Variants in SFMBT1 observed in about 807,000 individuals in gnomAD.
The protein encoded by SFMBT1 is scm-like with four MBT domains protein 1.
SFMBT1 carries 32 observed loss-of-function variants against 108.7 expected under a neutral mutation model. The ratio of observed to expected loss-of-function variants is 0.29; its 90% CI spans 0.22 to 0.40. The LOEUF (loss-of-function observed/expected upper bound fraction) is 0.40, where lower values mean the gene tolerates loss of function less well. SFMBT1 is among the 10% of genes least tolerant of loss of function. The pLI is 1.00. For synonymous variants in SFMBT1, 348 were observed against 369.5 expected (o/e 0.94, Z 0.67); for missense variants, 816 against 1,059.6 (o/e 0.77, Z 3.19).
chr3:52,928,340 A>G lies in SFMBT1; in HGVS notation c.899T>C (p.Val300Ala). Residue 300 changes from valine to alanine, a missense_variant and splice_region_variant, in exon 9 of 21, where the codon GTT (valine) becomes GCT (alanine). Val to Ala is a moderately conservative substitution (Grantham distance 64). This residue lies in a region of SFMBT1 where 495 missense variants were observed against 607.4 expected (regional missense o/e 0.81). Transcript: ENST00000394752. Reference protein sequence around the residue: ...FGISPATVVKVFDEKYFLVEM... With the variant: ...FGISPATVVKAFDEKYFLVEM... ...CACCAGAAAGTACTTCTCATCAAAAACCTATACATGCAATTAATAGATGAA... is the reference window on the plus strand; with the variant it reads ...CACCAGAAAGTACTTCTCATCAAAAGCCTATACATGCAATTAATAGATGAA... 6.2e-7 allele frequency: 1 copy of G among 1,613,214 alleles called. No individual in the cohort carries two copies. The highest frequency in any genetic ancestry group is 8.5e-7 in the Non-Finnish European group (1 of 1,179,910).
At chr3:52,985,028 C>T (rs1388403211) in intron 1 of SFMBT1, among the ~76,000 whole-genome samples, 2 of 152,072 alleles carry the variant, frequency 1.3e-5, no homozygotes, top group African/African-American at 4.8e-5. Context: ...CTTATATTAT[C>T]TTATAGGCTG....
intron 13 of SFMBT1, among the ~76,000 whole-genome samples, chr3:52,916,724 A>C (rs1432518457): frequency 6.6e-6 from 1 of 152,056 alleles, no homozygotes; most frequent in Non-Finnish European, 1.5e-5. Flanking sequence ...ACAACAACAA[A>C]AAAGAACAAT....
intron 1 of SFMBT1, among the ~76,000 whole-genome samples, chr3:53,027,121 T>C (rs1699520346): frequency 6.6e-6 from 1 of 152,212 alleles, no homozygotes. Context: ...GGTTACTTTC[T>C]TATTTTACAC....
chr3:53,027,049 C>G (rs1482121611), intron 1 of SFMBT1, among the ~76,000 whole-genome samples: 2 of 152,148 alleles, frequency 1.3e-5, no homozygotes, highest in East Asian at 3.8e-4. Context: ...TCCCAAAGTG[C>G]TAGGATTATA....
chr3:52,909,803 A>G (rs144776976), intron 17 of SFMBT1, among the ~76,000 whole-genome samples: 43 of 152,274 alleles, frequency 2.8e-4, no homozygotes, highest in African/African-American at 9.9e-4. Flanking sequence ...CAAATTGTAA[A>G]TTTCATCCTA....
intron 3 of SFMBT1, 122 bp from the exon 4 acceptor site, chr3:52,943,715 C>A: frequency 7.8e-7 from 1 of 1,286,478 alleles, no homozygotes; most frequent in Non-Finnish European, 1.1e-6. Flanking sequence ...TCAAGGAAAG[C>A]CTGAGAAATT....
intron 1 of SFMBT1, among the ~76,000 whole-genome samples, chr3:52,973,737 T>C (rs1212988769): frequency 6.6e-6 from 1 of 152,084 alleles, no homozygotes; most frequent in Non-Finnish European, 1.5e-5. Flanking sequence ...TTGAAGTGAT[T>C]CTCCTGCCTT....
At chr3:52,962,482 AT>A (rs1453311882) in intron 2 of SFMBT1, among the ~76,000 whole-genome samples, 1 of 151,318 alleles carries the variant, frequency 6.6e-6, no homozygotes, top group African/African-American at 2.4e-5. Context: ...ACCAAACAGT[AT>A]TTTTTTTTGT....
intron 1 of SFMBT1, among the ~76,000 whole-genome samples, chr3:53,027,647 C>A (rs1054601086): frequency 5.9e-5 from 9 of 152,184 alleles, no homozygotes; most frequent in Non-Finnish European, 1.2e-4. Flanking sequence ...CTATTTCTGA[C>A]AAGTCCTAGT....
chr3:52,964,857 T>C lies in SFMBT1; in HGVS notation c.28+4244A>G, dbSNP rs138913523. ...ATCATCAAATGAATGATGACAGCAA[T>C]ACATTCAAACTCATCAAATGTATAC... On this transcript the variant is annotated intron_variant, in intron 2 of 20. Transcript: ENST00000394752. 1.6e-3 allele frequency among the ~76,000 whole-genome samples: 238 copies of C among 152,296 alleles called. 1 individual carries two copies. Among genetic ancestry groups the C allele is most frequent in the African/African-American group, 5.5e-3 (227 of 41,572 alleles).
intron 2 of SFMBT1, among the ~76,000 whole-genome samples, chr3:52,960,195 A>T (rs568935456): frequency 6.6e-6 from 1 of 152,112 alleles, no homozygotes; most frequent in East Asian, 1.9e-4. Flanking sequence ...TTCAAAACAA[A>T]ACTTTGCAGT....
intron 1 of SFMBT1, among the ~76,000 whole-genome samples, chr3:53,017,726 T>C (rs770417200): frequency 2.6e-5 from 4 of 152,236 alleles, no homozygotes; most frequent in East Asian, 1.9e-4. Flanking sequence ...GCTTATACCT[T>C]CACTCTTCAA....
At chr3:52,951,455 T>G (rs944827382) in intron 3 of SFMBT1, among the ~76,000 whole-genome samples, 12 of 151,834 alleles carry the variant, frequency 7.9e-5, no homozygotes, top group African/African-American at 2.7e-4. Context: ...TTGCTCTTGT[T>G]GCCCAGGCTG....
At position 52,912,667 on chromosome 3, in the gene SFMBT1, A is replaced by G. The variant is rs757567610; in HGVS notation, c.1621-20T>C. 7.0e-6 allele frequency: 11 copies of G among 1,561,130 alleles called. No homozygotes were observed. In the Admixed American group the frequency reaches 1.8e-4, roughly 26 times the overall value. On this transcript the variant is annotated intron_variant, in intron 15 of 20. Transcript: ENST00000394752. ...GAGGACCTGAGCTCAGTTTTAAAGC[A>G]GAAACACAGATTGGGAAGGAGAAAA...
At chr3:53,030,019 T>C (rs953920463) in intron 1 of SFMBT1, among the ~76,000 whole-genome samples, 5 of 152,124 alleles carry the variant, frequency 3.3e-5, no homozygotes, top group Non-Finnish European at 7.4e-5. Flanking sequence ...GTTTAAATAT[T>C]AGAAAACTTT....
At chr3:53,016,756 C>T (rs760998160) in intron 1 of SFMBT1, among the ~76,000 whole-genome samples, 1 of 152,082 alleles carries the variant, frequency 6.6e-6, no homozygotes, top group Non-Finnish European at 1.5e-5. Context: ...CTCTTTATGT[C>T]GTCTGTTGAT....
At chr3:52,912,232 A>G (rs1238751336) in intron 16 of SFMBT1, among the ~76,000 whole-genome samples, 3 of 151,588 alleles carry the variant, frequency 2.0e-5, no homozygotes, top group Admixed American at 6.6e-5. Flanking sequence ...CCAGGCTACA[A>G]TGTAGTGGCA....
At chr3:53,005,456 G>C (rs150251686) in intron 1 of SFMBT1, among the ~76,000 whole-genome samples, 1 of 152,300 alleles carries the variant, frequency 6.6e-6, no homozygotes, top group Non-Finnish European at 1.5e-5. Flanking sequence ...AGGACTACAG[G>C]TGCATGCCAG....
chr3:52,977,473 T>C (rs1704556797), intron 1 of SFMBT1, among the ~76,000 whole-genome samples: 1 of 151,718 alleles, frequency 6.6e-6, no homozygotes, highest in Non-Finnish European at 1.5e-5. Flanking sequence ...CCACTGCACT[T>C]CAGCCCAGGC....
Sources: allele counts gnomAD v4.1 joint callset (sites outside exome capture counted in the v4.1 genomes callset), GRCh38; gene constraint gnomAD v4.1.1; regional missense constraint gnomAD v4.1.1; transcripts MANE v1.5; gene names NCBI Gene and HGNC (gene_info 2026-07-23, HGNC 2026-07-21).